The following UBN2 variants were observed in gnomAD, a reference collection of about 807,000 sequenced individuals.
UBN2 encodes the protein ubinuclein-2.
A neutral mutation model predicts 120.2 loss-of-function variants in UBN2; 35 were observed. The ratio of observed to expected loss-of-function variants is 0.29; its 90% CI spans 0.22 to 0.39. UBN2 has a LOEUF of 0.39. Ranked by LOEUF, UBN2 falls within the 10% of genes least tolerant of loss-of-function variation. The pLI is 1.00. For missense variants in UBN2, 1,693 were observed against 1,663.2 expected (o/e 1.02, Z -0.31); for synonymous variants, 661 against 648.7 (o/e 1.02, Z -0.29).
chr7:139,262,156 C>T (rs1360998306), intron 6 of UBN2, among the ~76,000 whole-genome samples: 1 of 151,940 alleles, frequency 6.6e-6, no homozygotes. Context: ...GGCTGGAGTG[C>T]AGTGGCGTGC....
chr7:139,272,272 G>T (rs750241943), intron 8 of UBN2, 50 bp from the exon 9 acceptor site: 23 of 1,414,252 alleles, frequency 1.6e-5, no homozygotes, highest in Non-Finnish European at 2.1e-5. Flanking sequence ...CTGCTTACAA[G>T]ATTTCGTAAA....
intron 2 of UBN2, among the ~76,000 whole-genome samples, chr7:139,250,228 C>G (rs1796587134): frequency 6.6e-6 from 1 of 151,938 alleles, no homozygotes; most frequent in Non-Finnish European, 1.5e-5. Flanking sequence ...AGAGCCAGAC[C>G]TTGTGTCATT....
In UBN2 at chr7:139,231,653, C is replaced by T; in HGVS notation, c.169C>T (p.Pro57Ser). The change falls in exon 1 of 18, where the codon CCT becomes TCT. Residue 57 changes from proline to serine, a missense_variant. By Grantham distance (74) the Pro-to-Ser change is moderately conservative (BLOSUM62 -1). Around this residue, in one of 5 missense-constraint regions of UBN2, gnomAD observed 663 missense variants for 591.2 expected, o/e 1.12. Transcript: ENST00000473989. The part of the protein sequence containing the change: ...ARAEPPAPRE[P>S]APRSDAQPPS... Reference sequence around the variant, plus strand: ...GGCGGAGCCGCCGGCCCCGCGGGAGCCTGCCCCCCGCTCGGACGCGCAGCC... The same window carrying T: ...GGCGGAGCCGCCGGCCCCGCGGGAGTCTGCCCCCCGCTCGGACGCGCAGCC... 8.3e-7 allele frequency: 1 copy of T among 1,206,792 alleles called. No homozygotes were observed. Among genetic ancestry groups the T allele is most frequent in the Non-Finnish European group, 1.0e-6 (1 of 974,458 alleles). 74.8% of individuals were successfully genotyped at this position (1,206,792 alleles called of 1,614,324 possible). A position where few individuals can be genotyped will look rare whatever the true frequency, so the allele number is the denominator to read the frequency against.
intron 10 of UBN2, 149 bp downstream of exon 10, chr7:139,273,559 C>T: frequency 1.8e-6 from 1 of 542,194 alleles, no homozygotes; most frequent in Non-Finnish European, 3.1e-6. Context: ...ATTAATTGGG[C>T]TCTAATATCC....
At chr7:139,288,828 C>G (rs1797861500) in intron 15 of UBN2, among the ~76,000 whole-genome samples, 1 of 151,618 alleles carries the variant, frequency 6.6e-6, no homozygotes, top group Non-Finnish European at 1.5e-5. Flanking sequence ...ATGGTGAAAC[C>G]CCATCTCTAC....
the UBN2 span, among the ~76,000 whole-genome samples, chr7:139,316,752 T>C: frequency 6.6e-6 from 1 of 151,562 alleles, no homozygotes; most frequent in African/African-American, 2.4e-5. Flanking sequence ...TCTCAAAAAA[T>C]AAAAAATTAT....
In UBN2 at chr7:139,274,601, A is replaced by G. The variant is rs141679272; in HGVS notation, c.1973+527A>G. 7.5e-3 allele frequency among the ~76,000 whole-genome samples: 1,147 copies of G among 152,042 alleles called. 19 individuals are homozygous for G. Among genetic ancestry groups the G allele is most frequent in the African/African-American group, 0.027 (1,104 of 41,462 alleles). On this transcript the variant is annotated intron_variant, in intron 11 of 17. Transcript: ENST00000473989. Reference sequence around the variant, plus strand: ...AACATGAAGAAACCTTGTCTCTACTAAAAATACAAAATTAGCCAGGCGTGG... The same window carrying G: ...AACATGAAGAAACCTTGTCTCTACTGAAAATACAAAATTAGCCAGGCGTGG...
At chr7:139,257,026 C>T (rs148905151) in intron 3 of UBN2, among the ~76,000 whole-genome samples, 6 of 152,298 alleles carry the variant, frequency 3.9e-5, no homozygotes, top group African/African-American at 1.4e-4. Context: ...AAAAATCTGA[C>T]TTTCTTAAAG....
intron 3 of UBN2, among the ~76,000 whole-genome samples, chr7:139,252,785 T>TA (rs985959115): frequency 3.3e-5 from 5 of 150,792 alleles, no homozygotes; most frequent in African/African-American, 4.9e-5. Context: ...ATAAGTTTCT[T>TA]AAAAAAAAAG....
intron 13 of UBN2, among the ~76,000 whole-genome samples, chr7:139,280,769 C>T (rs1797585469): frequency 6.6e-6 from 1 of 152,180 alleles, no homozygotes; most frequent in African/African-American, 2.4e-5. Flanking sequence ...CCTCAGCCTC[C>T]TGAGTAGCTG....
Position 139,254,235 on chromosome 7 carries a change from G to T in UBN2, c.663+2178G>T, listed in dbSNP as rs1329966376. 3.3e-5 allele frequency among the ~76,000 whole-genome samples: 5 copies of T among 152,170 alleles called. No individual in the cohort carries two copies. In the South Asian group the frequency reaches 1.0e-3, roughly 32 times the overall value. ...TTGAACCCGGGAGGCGGAGCTTGCA[G>T]TGAGCCGAGATCGCGCCACTGTACT... On this transcript the variant is annotated intron_variant, in intron 3 of 17. Transcript: ENST00000473989.
intron 3 of UBN2, among the ~76,000 whole-genome samples, chr7:139,256,280 G>A (rs550149090): frequency 2.0e-5 from 3 of 152,248 alleles, no homozygotes; most frequent in African/African-American, 7.2e-5. Flanking sequence ...AGGAATAGTA[G>A]CAGTGATCCT....
chr7:139,314,309 G>T, the UBN2 span, among the ~76,000 whole-genome samples: 1 of 151,472 alleles, frequency 6.6e-6, no homozygotes, highest in East Asian at 2.1e-4. Context: ...ACAAAAATTA[G>T]CTGGGTGTGG....
At chr7:139,317,904 C>T in the UBN2 span, among the ~76,000 whole-genome samples, 1 of 152,132 alleles carries the variant, frequency 6.6e-6, no homozygotes, top group Non-Finnish European at 1.5e-5. Context: ...CTCAGGTGAC[C>T]CACCCGCCTT....
chr7:139,268,138 A>T (rs147548179), intron 7 of UBN2, among the ~76,000 whole-genome samples: 128 of 152,348 alleles, frequency 8.4e-4, no homozygotes, highest in African/African-American at 2.9e-3. Flanking sequence ...AGCATCTCAG[A>T]TAAGCAGAGT....
intron 1 of UBN2, among the ~76,000 whole-genome samples, chr7:139,236,794 C>T (rs548081475): frequency 2.8e-4 from 42 of 150,800 alleles, no homozygotes; most frequent in South Asian, 1.3e-3. Flanking sequence ...AAAGTTGTCT[C>T]GTATTGGTTA....
the UBN2 span, among the ~76,000 whole-genome samples, chr7:139,313,927 C>A: frequency 3.3e-5 from 5 of 151,296 alleles, no homozygotes; most frequent in Admixed American, 6.6e-5. Flanking sequence ...CAGCTCATTG[C>A]AACCTCCGCC....
At chr7:139,265,700 C>A (rs1185634585) in intron 6 of UBN2, among the ~76,000 whole-genome samples, 1 of 152,034 alleles carries the variant, frequency 6.6e-6, no homozygotes, top group African/African-American at 2.4e-5. Flanking sequence ...GTGTTTTACA[C>A]ACACAGGAGA....
chr7:139,256,244 C>T (rs1285733134), intron 3 of UBN2, among the ~76,000 whole-genome samples: 1 of 152,148 alleles, frequency 6.6e-6, no homozygotes, highest in Non-Finnish European at 1.5e-5. Context: ...ATGTTTCACT[C>T]CCACGTGAAG....
Sources: allele counts gnomAD v4.1 joint callset (sites outside exome capture counted in the v4.1 genomes callset), GRCh38; gene constraint gnomAD v4.1.1; regional missense constraint gnomAD v4.1.1; transcripts MANE v1.5; gene names NCBI Gene and HGNC (gene_info 2026-07-23, HGNC 2026-07-21).